NPAS2: variants seen among roughly 807,000 people sequenced by gnomAD.
NPAS2 encodes neuronal PAS domain-containing protein 2.
NPAS2 carries 23 observed loss-of-function variants against 107.5 expected under a neutral mutation model. The observed-to-expected ratio is 0.21, with a 90% CI of 0.15 to 0.30. The LOEUF (loss-of-function observed/expected upper bound fraction) is 0.30, where lower values mean the gene tolerates loss of function less well. Among genes scored for constraint, NPAS2 ranks in the 10% least tolerant of loss-of-function variants. The pLI is 1.00. For missense variants in NPAS2, 756 were observed against 1,043.3 expected (o/e 0.72, Z 3.79); for synonymous variants, 403 against 417.5 (o/e 0.97, Z 0.42).
intron 7 of NPAS2, among the ~76,000 whole-genome samples, chr2:100,958,842 T>C (rs1434558230): frequency 1.3e-5 from 2 of 152,126 alleles, no homozygotes; most frequent in African/African-American, 4.8e-5. Context: ...GTGGATATCT[T>C]CTCAACGCCA....
chr2:100,985,371 C>A (rs1677722397), intron 16 of NPAS2: 2 of 152,704 alleles, frequency 1.3e-5, no homozygotes, highest in African/African-American at 4.8e-5. Flanking sequence ...CTGACAGACA[C>A]CCTTTATTTA....
chr2:100,847,854 G>C (rs938930334), intron 1 of NPAS2, among the ~76,000 whole-genome samples: 1 of 152,210 alleles, frequency 6.6e-6, no homozygotes, highest in African/African-American at 2.4e-5. Context: ...GAATAGTGTA[G>C]AAGGGCCTTC....
At chr2:100,954,192 A>C (rs12615768) in intron 7 of NPAS2, among the ~76,000 whole-genome samples, 27,810 of 152,114 alleles carry the variant, frequency 0.18, 2,952 homozygotes, top group East Asian at 0.39. Context: ...GGGGACAGGG[A>C]CCAGGACATG....
chr2:100,932,172 T>G (rs1319829349), intron 3 of NPAS2, among the ~76,000 whole-genome samples: 3 of 152,272 alleles, frequency 2.0e-5, no homozygotes, highest in African/African-American at 7.2e-5. Flanking sequence ...GAGCCACCTA[T>G]AATTATCTTA....
intron 3 of NPAS2, among the ~76,000 whole-genome samples, chr2:100,928,773 T>C (rs1164637054): frequency 6.6e-6 from 1 of 152,238 alleles, no homozygotes; most frequent in African/African-American, 2.4e-5. Context: ...CAAATGGACA[T>C]GAACTCTGCA....
chr2:100,967,395 T>C (rs1676287667), intron 10 of NPAS2, among the ~76,000 whole-genome samples: 1 of 151,648 alleles, frequency 6.6e-6, no homozygotes, highest in Non-Finnish European at 1.5e-5. Flanking sequence ...CCCGGCTAAT[T>C]TTTTGTATTT....
chr2:100,984,392 G>A (rs986752941), intron 16 of NPAS2: 2 of 152,250 alleles, frequency 1.3e-5, no homozygotes, highest in East Asian at 3.8e-4. Flanking sequence ...TAGAGGGATA[G>A]ATAAAATAAG....
At chr2:100,872,668 AC>A (rs992317655) in intron 1 of NPAS2, among the ~76,000 whole-genome samples, 3 of 152,136 alleles carry the variant, frequency 2.0e-5, no homozygotes, top group Non-Finnish European at 2.9e-5. Context: ...GTTTCTAGAA[AC>A]ATCTAGAACC....
chr2:100,971,180 A>T (rs75107839), intron 12 of NPAS2, 106 bp downstream of exon 12: 150,741 of 1,022,656 alleles, frequency 0.15, 17,493 homozygotes, highest in East Asian at 0.47. Context: ...GAAGGGTACA[A>T]CCAAGCTATT....
chr2:100,821,682 A>G (rs965239432), intron 1 of NPAS2, among the ~76,000 whole-genome samples: 4 of 152,178 alleles, frequency 2.6e-5, no homozygotes, highest in African/African-American at 4.8e-5. Flanking sequence ...TTGACCAACT[A>G]ATTATGGCTT....
intron 4 of NPAS2, chr2:100,935,132 G>A (rs1260864808): frequency 3.1e-6 from 3 of 975,428 alleles, no homozygotes; most frequent in East Asian, 1.1e-4. Context: ...AGCCAAGCTG[G>A]TAAAGTATCA....
intron 1 of NPAS2, among the ~76,000 whole-genome samples, chr2:100,896,678 A>G (rs780408210): frequency 5.9e-5 from 9 of 152,200 alleles, no homozygotes; most frequent in Non-Finnish European, 8.8e-5. Context: ...TCACCAGGAT[A>G]TAACTGTCCC....
intron 4 of NPAS2, chr2:100,934,857 C>T (rs1439913678): frequency 1.0e-6 from 1 of 985,160 alleles, no homozygotes; most frequent in Non-Finnish European, 1.2e-6. Context: ...TGTTTTTTTT[C>T]AGAGCCATTT....
At chr2:100,955,721 G>A (rs937405814) in intron 7 of NPAS2, among the ~76,000 whole-genome samples, 2 of 152,058 alleles carry the variant, frequency 1.3e-5, no homozygotes, top group Non-Finnish European at 2.9e-5. Flanking sequence ...GGGGAAGTTC[G>A]TCTGTGGGCT....
At chr2:100,905,352 C>T (rs1193915869) in intron 2 of NPAS2, among the ~76,000 whole-genome samples, 1 of 151,914 alleles carries the variant, frequency 6.6e-6, no homozygotes, top group East Asian at 1.9e-4. Flanking sequence ...AACTTGGCAG[C>T]TGGCATGTGA....
chr2:100,900,833 G>A (rs1681724319), intron 1 of NPAS2, among the ~76,000 whole-genome samples: 1 of 152,066 alleles, frequency 6.6e-6, no homozygotes, highest in African/African-American at 2.4e-5. Flanking sequence ...GTATGCCGAT[G>A]GTGATTTTCT....
chr2:100,856,789 G>A (rs1678599492), intron 1 of NPAS2, among the ~76,000 whole-genome samples: 1 of 152,166 alleles, frequency 6.6e-6, no homozygotes, highest in African/African-American at 2.4e-5. Context: ...TGGTGCCAGG[G>A]AAGGACCAAA....
Position 100,930,317 on chromosome 2 carries a change from A to C in NPAS2, c.182-2593A>C, listed in dbSNP as rs189669297. Among the ~76,000 whole-genome samples the C allele has an allele frequency of 5.3e-3, 812 of 152,346 alleles. 11 individuals carry two copies. The highest frequency in any genetic ancestry group is 0.017 in the African/African-American group (692 of 41,586). ...CTATTGAACAGGGTAATATATACCC[A>C]GGACAGCTGTGGAATTTCTGCTCCA... On this transcript the variant is annotated intron_variant, in intron 3 of 20. Coordinates refer to ENST00000335681, the MANE Select transcript of NPAS2 (RefSeq NM_002518.4).
chr2:100,981,774 G>A (rs1038051718), intron 15 of NPAS2, among the ~76,000 whole-genome samples: 1 of 152,132 alleles, frequency 6.6e-6, no homozygotes, highest in African/African-American at 2.4e-5. Flanking sequence ...ATAACGACCG[G>A]ACCCAAAAAT....
Sources: gnomAD v4.1 joint callset for allele counts (sites outside exome capture counted in the v4.1 genomes callset) on GRCh38, gnomAD v4.1.1 for gene constraint, MANE v1.5 for transcripts, NCBI Gene and HGNC (gene_info 2026-07-23, HGNC 2026-07-21) for gene names.